PAPPA: variants seen among roughly 807,000 people sequenced by gnomAD.
PAPPA encodes pappalysin 1.
Under a neutral mutation model 164.0 loss-of-function variants are expected in PAPPA, and 60 were observed. The observed-to-expected ratio is 0.37, with a 90% confidence interval of 0.30 to 0.45. The LOEUF (loss-of-function observed/expected upper bound fraction) is 0.45, where lower values mean the gene tolerates loss of function less well. Ranked by LOEUF, PAPPA falls within the 20% of genes least tolerant of loss-of-function variation. The probability of loss-of-function intolerance (pLI) is 1.00; values close to 1 mark genes in which losing one functional copy is unlikely to be tolerated. For missense variants in PAPPA, 1,782 were observed against 2,087.3 expected (o/e 0.85, Z 2.85); for synonymous variants, 875 against 814.1 (o/e 1.07, Z -1.27).
intron 4 of PAPPA, among the ~76,000 whole-genome samples, chr9:116,218,762 C>T (rs1844406732): frequency 6.6e-6 from 1 of 152,174 alleles, no homozygotes; most frequent in Admixed American, 6.5e-5. Flanking sequence ...TGATCAGAAG[C>T]ATGGCCTTGA....
chr9:116,180,994 A>T (rs2118612523), intron 1 of PAPPA, among the ~76,000 whole-genome samples: 1 of 152,314 alleles, frequency 6.6e-6, no homozygotes, highest in East Asian at 1.9e-4. Context: ...TGAGGTGAGG[A>T]ATGTTTCCTG....
intron 5 of PAPPA, among the ~76,000 whole-genome samples, chr9:116,223,016 G>T (rs1320369954): frequency 1.3e-5 from 2 of 152,218 alleles, no homozygotes; most frequent in Non-Finnish European, 1.5e-5. Context: ...AAACCTATTT[G>T]ATCACAGTAC....
At chr9:116,365,500 T>A (rs936290516) in intron 18 of PAPPA, among the ~76,000 whole-genome samples, 3 of 149,876 alleles carry the variant, frequency 2.0e-5, no homozygotes, top group Admixed American at 2.0e-4. Flanking sequence ...GAAAGAGAAA[T>A]TAAGACATGA....
chr9:116,158,900 G>A (rs990114205), intron 1 of PAPPA, among the ~76,000 whole-genome samples: 1 of 152,218 alleles, frequency 6.6e-6, no homozygotes, highest in Non-Finnish European at 1.5e-5. Context: ...AGAGAGCCTA[G>A]ATGTGAACCC....
At chr9:116,156,021 AATGACGATGGT>A (rs1363435548) in intron 1 of PAPPA, among the ~76,000 whole-genome samples, 2 of 152,032 alleles carry the variant, frequency 1.3e-5, no homozygotes, top group East Asian at 3.9e-4. Context: ...CCATAATAAT[AATGACGATGGT>A]GATAATTTAG....
intron 9 of PAPPA, among the ~76,000 whole-genome samples, chr9:116,283,466 C>T (rs1459093052): frequency 6.6e-6 from 1 of 152,074 alleles, no homozygotes; most frequent in Non-Finnish European, 1.5e-5. Flanking sequence ...AGGGAAGTCA[C>T]AGGGGGTGAG....
intron 17 of PAPPA, among the ~76,000 whole-genome samples, chr9:116,360,588 A>T (rs1334452111): frequency 6.6e-6 from 1 of 152,074 alleles, no homozygotes; most frequent in Non-Finnish European, 1.5e-5. Flanking sequence ...TTATTCCCTC[A>T]TTCATTCTTT....
At chr9:116,183,367 A>C (rs1282217390) in intron 1 of PAPPA, among the ~76,000 whole-genome samples, 2 of 152,180 alleles carry the variant, frequency 1.3e-5, no homozygotes, top group African/African-American at 4.8e-5. Flanking sequence ...AAATTCTAGC[A>C]AGGGATCATT....
chr9:116,213,885 G>A (rs1269636940), intron 4 of PAPPA, among the ~76,000 whole-genome samples: 1 of 152,202 alleles, frequency 6.6e-6, no homozygotes, highest in Non-Finnish European at 1.5e-5. Flanking sequence ...GCAGCTGGAT[G>A]CAATTCAAAA....
chr9:116,172,485 T>G (rs1157354656), intron 1 of PAPPA, among the ~76,000 whole-genome samples: 1 of 152,204 alleles, frequency 6.6e-6, no homozygotes, highest in Non-Finnish European at 1.5e-5. Flanking sequence ...TCCTCCCCAG[T>G]GTGATGATCA....
chr9:116,401,584 A>C lies in PAPPA; in HGVS notation c.*4968A>C, dbSNP rs537813874. 28 of 151,228 alleles carry C rather than the reference A, an allele frequency of 1.9e-4. No homozygotes were observed. The highest frequency in any genetic ancestry group is 3.5e-4 in the Non-Finnish European group (24 of 67,752). The allele number at this position is 151,228 out of a possible 1,614,324, so 9.4% of individuals were successfully genotyped here. On this transcript the variant is annotated 3_prime_UTR_variant, in exon 22 of 22. Coordinates refer to ENST00000328252, the MANE Select transcript of PAPPA (RefSeq NM_002581.5). ...TGCACATGTATATATAGTTGTACAT[A>C]TATGTGTGTATATATATACTTAAAT... is the stretch of plus-strand genomic sequence containing the variant.
In PAPPA at chr9:116,281,495, G is replaced by A. The variant is rs1845266611; in HGVS notation, c.2953+10079G>A. 2.0e-5 allele frequency among the ~76,000 whole-genome samples: 3 copies of A among 152,080 alleles called. No individual in the cohort carries two copies. In the South Asian group the frequency reaches 6.2e-4, roughly 32 times the overall value. On this transcript the variant is annotated intron_variant, in intron 9 of 21. Transcript: ENST00000328252. ...TCGAGCCAATCATTGAGACACTGAA[G>A]CAAATGACACTCTGAGGCTAAAAAG...
chr9:116,243,921 A>G (rs1446621773), intron 7 of PAPPA, among the ~76,000 whole-genome samples: 2 of 152,094 alleles, frequency 1.3e-5, no homozygotes, highest in Admixed American at 6.6e-5. Flanking sequence ...CCACCAGAAG[A>G]GATGAGCAGC....
chr9:116,373,546 C>T (rs1047573283), intron 19 of PAPPA: 8 of 151,990 alleles, frequency 5.3e-5, no homozygotes, highest in African/African-American at 1.5e-4. Context: ...AGATCTGAGC[C>T]TCTGGATGAG....
intron 2 of PAPPA, among the ~76,000 whole-genome samples, chr9:116,197,056 C>T (rs938824984): frequency 4.6e-5 from 7 of 152,136 alleles, no homozygotes; most frequent in South Asian, 4.1e-4. Flanking sequence ...TTTGGCCAAG[C>T]GTGAGGAAGG....
intron 2 of PAPPA, among the ~76,000 whole-genome samples, chr9:116,189,772 G>A (rs1484947009): frequency 3.3e-5 from 5 of 152,182 alleles, no homozygotes; most frequent in African/African-American, 9.7e-5. Context: ...CACATTTGCC[G>A]ACCTCTGCAG....
At chr9:116,394,794 G>A (rs947355447) in intron 21 of PAPPA, among the ~76,000 whole-genome samples, 2 of 152,178 alleles carry the variant, frequency 1.3e-5, no homozygotes, top group South Asian at 2.1e-4. Context: ...ACAGCATCAA[G>A]CACTTATGAA....
chr9:116,235,115 C>T (rs775539252), intron 6 of PAPPA, 24 bp from the exon 7 acceptor site: 32 of 1,613,478 alleles, frequency 2.0e-5, no homozygotes, highest in Middle Eastern at 1.6e-4. Flanking sequence ...CCCAAGAACT[C>T]ATTCCCTCAT....
Position 116,187,589 on chromosome 9 carries a change from T to A in PAPPA, c.851T>A (p.Leu284His), listed in dbSNP as rs753029945. 1.2e-6 allele frequency: 2 copies of A among 1,614,144 alleles called. No homozygotes were observed. Among genetic ancestry groups the A allele is most frequent in the Non-Finnish European group, 1.7e-6 (2 of 1,180,032 alleles). Residue 284 changes from leucine to histidine, a missense_variant, in exon 2 of 22, where the codon CTC becomes CAC. By Grantham distance (99) the Leu-to-His change is moderately conservative. Transcript: ENST00000328252. The surrounding 1 kb of genome is among the most constrained non-coding windows in gnomAD (Gnocchi z 4.2). ...GGCGCCCACACTGCTCTACCTCAGCTCCTCCTCCAGGAGAACTGGGACAAT... is the reference window on the plus strand; with the variant it reads ...GGCGCCCACACTGCTCTACCTCAGCACCTCCTCCAGGAGAACTGGGACAAT... ...THGAHTALPQ[L>H]LLQENWDNVK... is the part of the protein sequence containing the mutation.
Sources: allele counts gnomAD v4.1 joint callset (sites outside exome capture counted in the v4.1 genomes callset), GRCh38; gene constraint gnomAD v4.1.1; non-coding constraint Gnocchi (gnomAD v3.1); transcripts MANE v1.5; gene names NCBI Gene and HGNC (gene_info 2026-07-23, HGNC 2026-07-21).